RBM19: variants seen among roughly 807,000 people sequenced by gnomAD.
RBM19 encodes the protein RNA binding motif protein 19.
RBM19 carries 94 observed loss-of-function variants against 116.8 expected under a neutral mutation model. The observed-to-expected ratio is 0.80, with a 90% CI of 0.68 to 0.95. RBM19 has a LOEUF of 0.95. Ranked by LOEUF, RBM19 falls within the 40% of genes least tolerant of loss-of-function variation. RBM19 has a pLI of 0.00. For missense variants in RBM19, 1,161 were observed against 1,220.7 expected (o/e 0.95, Z 0.73); for synonymous variants, 475 against 494.1 (o/e 0.96, Z 0.51).
At chr12:113,900,143 G>A (rs972492192) in intron 21 of RBM19, among the ~76,000 whole-genome samples, 4 of 152,180 alleles carry the variant, frequency 2.6e-5, no homozygotes, top group Non-Finnish European at 5.9e-5. Flanking sequence ...GCGGAAGCCC[G>A]AGCCTGCGAA....
At chr12:113,920,833 C>G in intron 18 of RBM19, 143 bp from the exon 19 acceptor site, 2 of 740,940 alleles carry the variant, frequency 2.7e-6, no homozygotes, top group South Asian at 1.7e-5. Flanking sequence ...ATCTCAGCAC[C>G]TGGCTTGCTG....
intron 21 of RBM19, among the ~76,000 whole-genome samples, chr12:113,909,316 T>G (rs2135842147): frequency 6.6e-6 from 1 of 152,122 alleles, no homozygotes; most frequent in East Asian, 1.9e-4. Context: ...AGATGGGGTC[T>G]TGCTATGTTG....
chr12:113,933,623 T>A (rs542950945), intron 16 of RBM19, among the ~76,000 whole-genome samples: 1 of 151,990 alleles, frequency 6.6e-6, no homozygotes, highest in South Asian at 2.1e-4. Flanking sequence ...GTTGGACACA[T>A]GCTCAAACCT....
chr12:113,838,451 T>C (rs531046976), intron 23 of RBM19, among the ~76,000 whole-genome samples: 3 of 151,750 alleles, frequency 2.0e-5, no homozygotes, highest in East Asian at 1.9e-4. Context: ...GGGGAGAACA[T>C]GCAAACAACA....
intron 23 of RBM19, among the ~76,000 whole-genome samples, chr12:113,832,425 A>C (rs1875507041): frequency 6.6e-6 from 1 of 152,158 alleles, no homozygotes; most frequent in Admixed American, 6.5e-5. Flanking sequence ...CCTGGGCTCA[A>C]GTGATCCACC....
chr12:113,935,490 T>A (rs938718336), intron 16 of RBM19, among the ~76,000 whole-genome samples: 3 of 152,138 alleles, frequency 2.0e-5, no homozygotes, highest in African/African-American at 7.2e-5. Flanking sequence ...GCTTAACTCA[T>A]AAACGAGCAG....
rs1881469011 is a variant in RBM19, at chr12:113,898,231, T to C, written c.2558+16738A>G. 6.6e-6 allele frequency among the ~76,000 whole-genome samples: 1 copy of C among 152,204 alleles called. No homozygotes were observed. Among genetic ancestry groups the C allele is most frequent in the South Asian group, 2.1e-4 (1 of 4,830 alleles). On this transcript the variant is annotated intron_variant, in intron 21 of 23. Coordinates refer to ENST00000261741, the MANE Select transcript of RBM19 (RefSeq NM_016196.4). The surrounding 1 kb of genome is among the most constrained non-coding windows in gnomAD (Gnocchi z 4.3). ...TGGGGGTGGAGAGGATTTGCTCTTT[T>C]TGTAGGACAATTTCAGGTTTTTCTG...
At chr12:113,855,973 CA>C (rs1877867394) in intron 22 of RBM19, among the ~76,000 whole-genome samples, 1 of 152,182 alleles carries the variant, frequency 6.6e-6, no homozygotes, top group African/African-American at 2.4e-5. Context: ...ACAAAAAGAG[CA>C]AAGGGATCCT....
At position 113,947,323 on chromosome 12, in the gene RBM19, C is replaced by A. The variant is rs375631016; in HGVS notation, c.1407+11G>T. ...CCACAGCCTCCTGGCCAGCCCAGGACGGGGCCTCACCTGGAATACCTGCCC... is the reference window on the plus strand; with the variant it reads ...CCACAGCCTCCTGGCCAGCCCAGGAAGGGGCCTCACCTGGAATACCTGCCC... On this transcript the variant is annotated intron_variant, in intron 11 of 23. Transcript: ENST00000261741. 6.3e-7 allele frequency: 1 copy of A among 1,585,832 alleles called. No individual in the cohort carries two copies. Among genetic ancestry groups the A allele is most frequent in the Non-Finnish European group, 8.6e-7 (1 of 1,158,726 alleles).
At chr12:113,820,513 C>T (rs1211959160), downstream of RBM19, among the ~76,000 whole-genome samples, 1 of 152,002 alleles carries the variant, frequency 6.6e-6, no homozygotes, top group South Asian at 2.1e-4. Context: ...GGGTGAGCAG[C>T]GGGACTCGAC....
chr12:113,960,167 G>A lies in RBM19; in HGVS notation c.231C>T (p.Cys77=). The A allele has an allele frequency of 6.2e-7, 1 of 1,613,656 alleles. No homozygotes were observed. The highest frequency in any genetic ancestry group is 8.5e-7 in the Non-Finnish European group (1 of 1,180,016). Reference sequence around the variant, plus strand: ...GTTTGGCCGGGTCCCCGAATGACTTGCAGAACTCCACCTGTGTGGGAAAGA... The same window carrying A: ...GTTTGGCCGGGTCCCCGAATGACTTACAGAACTCCACCTGTGTGGGAAAGA... ...IDTSRITVEF[C]KSFGDPAKPR... Residue 77 remains cysteine (C), a synonymous_variant, in exon 3 of 24, where the codon TGC becomes TGT. Coordinates refer to ENST00000261741, the MANE Select transcript of RBM19 (RefSeq NM_016196.4).
chr12:113,914,632 T>G (rs1226863322), intron 21 of RBM19, among the ~76,000 whole-genome samples: 3 of 152,100 alleles, frequency 2.0e-5, no homozygotes, highest in Non-Finnish European at 4.4e-5. Flanking sequence ...ATGGAGGAAA[T>G]TTCAAGCAGA....
intron 23 of RBM19, among the ~76,000 whole-genome samples, chr12:113,835,785 C>T (rs975817557): frequency 6.6e-6 from 1 of 152,226 alleles, no homozygotes; most frequent in Non-Finnish European, 1.5e-5. Context: ...TGTCTGCGCT[C>T]CCAGCTCTGG....
At chr12:113,963,162 T>C (rs1486889477) in intron 1 of RBM19, among the ~76,000 whole-genome samples, 2 of 152,252 alleles carry the variant, frequency 1.3e-5, no homozygotes, top group African/African-American at 2.4e-5. Context: ...TTAGGATTTC[T>C]GACCTGCAAA....
In RBM19 at chr12:113,887,265, T is replaced by C. The variant is rs79249743; in HGVS notation, c.2558+27704A>G. On this transcript the variant is annotated intron_variant, in intron 21 of 23. Coordinates refer to ENST00000261741, the MANE Select transcript of RBM19 (RefSeq NM_016196.4). ...ACTGTCTGGCCCTTTATGGATAAAT[T>C]TGACAATCTCTGATCTAGAGGAGCC... is the stretch of plus-strand genomic sequence containing the variant. Among the ~76,000 whole-genome samples, 908 of 152,176 alleles carry C rather than the reference T, an allele frequency of 6.0e-3. 8 individuals carry two copies. Among genetic ancestry groups the C allele is most frequent in the African/African-American group, 0.021 (863 of 41,528 alleles).
intron 21 of RBM19, among the ~76,000 whole-genome samples, chr12:113,876,725 G>A (rs1429417403): frequency 1.3e-5 from 2 of 152,034 alleles, no homozygotes; most frequent in Non-Finnish European, 2.9e-5. Flanking sequence ...CAGGAGGTTA[G>A]AGCTACAGTG....
At chr12:113,966,154 T>C (rs374715736) in intron 1 of RBM19, 38 bp downstream of exon 1, 2 of 1,613,890 alleles carry the variant, frequency 1.2e-6, no homozygotes, top group Admixed American at 1.7e-5. Flanking sequence ...TCCCGGCTGG[T>C]CTCATTTCAG....
chr12:113,965,899 GGTT>G (rs1271684864), intron 1 of RBM19, among the ~76,000 whole-genome samples: 1 of 152,190 alleles, frequency 6.6e-6, no homozygotes, highest in Non-Finnish European at 1.5e-5. Flanking sequence ...GAATGAAAGA[GGTT>G]GTGGGAGCAG....
chr12:113,959,778 C>T, intron 4 of RBM19, 87 bp downstream of exon 4: 1 of 1,501,958 alleles, frequency 6.7e-7, no homozygotes, highest in Non-Finnish European at 9.2e-7. Context: ...AGCCTCCACC[C>T]TCTCCCAGCC....
Sources: gnomAD v4.1 joint callset for allele counts (sites outside exome capture counted in the v4.1 genomes callset) on GRCh38, gnomAD v4.1.1 for gene constraint, Gnocchi (gnomAD v3.1) non-coding constraint, MANE v1.5 for transcripts, NCBI Gene and HGNC (gene_info 2026-07-23, HGNC 2026-07-21) for gene names.